The following IL1RAPL1 variants were observed in gnomAD, a reference collection of about 807,000 sequenced individuals.
IL1RAPL1 encodes interleukin-1 receptor accessory protein-like 1.
Under a neutral mutation model 48.4 loss-of-function variants are expected in IL1RAPL1, and 3 were observed. That is an observed-to-expected ratio of 0.06 (90% CI 0.03 to 0.16). IL1RAPL1 has a LOEUF of 0.16. Ranked by LOEUF, IL1RAPL1 falls within the 10% of genes least tolerant of loss-of-function variation. The pLI is 1.00. For synonymous variants in IL1RAPL1, 185 were observed against 187.7 expected, an observed-to-expected ratio of 0.99 and a Z score of 0.12; for missense variants, 349 against 530.6, an observed-to-expected ratio of 0.66 and a Z score of 3.36.
At chrX:29,944,310 A>G (rs987622629) in intron 9 of IL1RAPL1, among the ~76,000 whole-genome samples, 2 of 111,587 alleles carry the variant, frequency 1.8e-5, no homozygotes, top group Non-Finnish European at 3.8e-5. Flanking sequence ...ATATTAAAGC[A>G]GACCCGTTCC....
rs73631634 is a variant in IL1RAPL1, at chrX:29,126,003, A to G, written c.83-156935A>G. 6.2e-3 allele frequency among the ~76,000 whole-genome samples: 685 copies of G among 109,928 alleles called. 5 individuals carry two copies. Among genetic ancestry groups the G allele is most frequent in the African/African-American group, 0.021 (643 of 30,268 alleles). ...TCATCTGTACCATGCGGATAATTGC[A>G]TTTATGTCTTGGTGGTGTTGGAAGA... On this transcript the variant is annotated intron_variant, in intron 2 of 10. Transcript: ENST00000378993.
chrX:29,578,634 T>A (rs1922853765), intron 5 of IL1RAPL1, among the ~76,000 whole-genome samples: 1 of 111,696 alleles, frequency 9.0e-6, no homozygotes, highest in Admixed American at 9.5e-5. Context: ...GATTTTTAAA[T>A]TTTTAAAAAG....
At chrX:29,284,124 A>G (rs1378956685) in intron 3 of IL1RAPL1, among the ~76,000 whole-genome samples, 1 of 112,298 alleles carries the variant, frequency 8.9e-6, no homozygotes, top group Non-Finnish European at 1.9e-5. Flanking sequence ...ATGGATTCCC[A>G]TAACTCAGAG....
intron 3 of IL1RAPL1, among the ~76,000 whole-genome samples, chrX:29,297,352 T>C (rs1932464574): frequency 8.9e-6 from 1 of 112,673 alleles, no homozygotes; most frequent in Admixed American, 9.4e-5. Flanking sequence ...TTTGCATGAC[T>C]TAGGCTCTAA....
chrX:29,742,877 G>C (rs1928240623), intron 6 of IL1RAPL1, among the ~76,000 whole-genome samples: 1 of 111,024 alleles, frequency 9.0e-6, no homozygotes, highest in African/African-American at 3.3e-5. Flanking sequence ...AGTGGCTGTG[G>C]CATGGAGGAA....
chrX:29,908,665 T>A (rs935472120), intron 6 of IL1RAPL1, among the ~76,000 whole-genome samples: 17 of 111,988 alleles, frequency 1.5e-4, no homozygotes, highest in Non-Finnish European at 2.8e-4. Context: ...TATTTTGGAA[T>A]ACCAATACAA....
intron 3 of IL1RAPL1, among the ~76,000 whole-genome samples, chrX:29,333,809 C>G (rs1218865328): frequency 1.5e-4 from 11 of 73,975 alleles, no homozygotes; most frequent in Non-Finnish European, 1.6e-4. Flanking sequence ...CCCCCCCCCC[C>G]GCCTCCCTCC....
chrX:29,240,040 T>A, intron 2 of IL1RAPL1, among the ~76,000 whole-genome samples: 1 of 106,562 alleles, frequency 9.4e-6, no homozygotes, highest in Non-Finnish European at 1.9e-5. Flanking sequence ...TTAAGGTCAG[T>A]TGATTAACAA....
At position 29,593,674 on chromosome X, in the gene IL1RAPL1, C is replaced by G. The variant is rs373851688; in HGVS notation, c.704-74756C>G. On this transcript the variant is annotated intron_variant, in intron 5 of 10. Transcript: ENST00000378993. ...TTCTTTATATTCTTTTTTGAACCAG[C>G]CACAATTTCTACTCATTTACTCATT... Among the ~76,000 whole-genome samples the G allele has an allele frequency of 6.6e-4, 74 of 111,925 alleles. 2 individuals carry two copies. The highest frequency in any genetic ancestry group is 1.8e-3 in the Admixed American group (19 of 10,547).
At chrX:29,301,828 T>C (rs1368015388) in intron 3 of IL1RAPL1, among the ~76,000 whole-genome samples, 1 of 110,713 alleles carries the variant, frequency 9.0e-6, no homozygotes. Context: ...CCAGAGAGAC[T>C]CAGGGATGGA....
chrX:28,813,902 C>A (rs779453075), intron 2 of IL1RAPL1, among the ~76,000 whole-genome samples: 1 of 110,900 alleles, frequency 9.0e-6, no homozygotes, highest in South Asian at 3.8e-4. Context: ...AGTTTCTGAT[C>A]TTTCTGTTTT....
intron 2 of IL1RAPL1, among the ~76,000 whole-genome samples, chrX:29,060,205 G>A (rs762942274): frequency 6.3e-5 from 7 of 111,718 alleles, no homozygotes; most frequent in Non-Finnish European, 1.3e-4. Flanking sequence ...TAGCTGTAAT[G>A]TTTTGAGTTC....
At chrX:28,944,805 T>A (rs2147351126) in intron 2 of IL1RAPL1, among the ~76,000 whole-genome samples, 1 of 110,170 alleles carries the variant, frequency 9.1e-6, no homozygotes, top group African/African-American at 3.3e-5. Flanking sequence ...AAGATCATTT[T>A]AAAATTTGAC....
At chrX:29,536,765 A>AATAT (rs768007262) in intron 5 of IL1RAPL1, among the ~76,000 whole-genome samples, 8 of 107,493 alleles carry the variant, frequency 7.4e-5, no homozygotes, top group African/African-American at 2.7e-4. Context: ...CTGATCTTTA[A>AATAT]ATATATATAT....
intron 6 of IL1RAPL1, among the ~76,000 whole-genome samples, chrX:29,735,456 G>T (rs1325690488): frequency 8.9e-6 from 1 of 111,887 alleles, no homozygotes; most frequent in African/African-American, 3.2e-5. Context: ...TGGGGATGTG[G>T]ATATCTTTGG....
chrX:29,895,510 C>T (rs982776240), intron 6 of IL1RAPL1, among the ~76,000 whole-genome samples: 4 of 112,688 alleles, frequency 3.5e-5, no homozygotes, highest in Non-Finnish European at 5.6e-5. Flanking sequence ...CACCACTGCA[C>T]CACTGCACTG....
intron 5 of IL1RAPL1, among the ~76,000 whole-genome samples, chrX:29,524,022 TC>T (rs1368450813): frequency 1.8e-5 from 2 of 110,668 alleles, no homozygotes; most frequent in African/African-American, 3.3e-5. Flanking sequence ...TAAAAAAAAA[TC>T]TTTTTCTTTG....
chrX:28,954,500 A>G (rs1391306570), intron 2 of IL1RAPL1, among the ~76,000 whole-genome samples: 2 of 110,813 alleles, frequency 1.8e-5, no homozygotes, highest in Non-Finnish European at 3.8e-5. Flanking sequence ...ATTTAAACAT[A>G]CACAATCTCA....
At chrX:28,610,927 C>G (rs1417601490) in intron 1 of IL1RAPL1, among the ~76,000 whole-genome samples, 2 of 111,322 alleles carry the variant, frequency 1.8e-5, no homozygotes, top group Non-Finnish European at 3.8e-5. Context: ...ACAAGCAGTG[C>G]CAGCTAATGC....
Sources: gnomAD v4.1 joint callset for allele counts (sites outside exome capture counted in the v4.1 genomes callset) on GRCh38, gnomAD v4.1.1 for gene constraint, MANE v1.5 for transcripts, NCBI Gene and HGNC (gene_info 2026-07-23, HGNC 2026-07-21) for gene names.